The following BAIAP2 variants were observed in gnomAD, a reference collection of about 807,000 sequenced individuals.
BAIAP2 encodes the protein BAR/IMD domain-containing adapter protein 2.
BAIAP2 carries 18 observed loss-of-function variants against 63.0 expected under a neutral mutation model. The ratio of observed to expected loss-of-function variants is 0.29; its 90% CI spans 0.20 to 0.42. BAIAP2 has a LOEUF of 0.42. Ranked by LOEUF, BAIAP2 falls within the 10% of genes least tolerant of loss-of-function variation. The pLI is 1.00. For missense variants in BAIAP2, 610 were observed against 734.3 expected (o/e 0.83, Z 1.96); for synonymous variants, 386 against 307.6 (o/e 1.25, Z -2.67).
At chr17:81,038,894 C>T (rs1468392989) in intron 1 of BAIAP2, among the ~76,000 whole-genome samples, 1 of 27,782 alleles carries the variant, frequency 3.6e-5, no homozygotes, top group Non-Finnish European at 8.4e-5. Context: ...GAGTCGCCTT[C>T]CTGGGTGGGG....
intron 1 of BAIAP2, among the ~76,000 whole-genome samples, chr17:81,048,723 T>C (rs1017898181): frequency 6.6e-6 from 1 of 152,294 alleles, no homozygotes; most frequent in East Asian, 1.9e-4. Context: ...CAGAAATGCA[T>C]AGCTGGGGTC....
Position 81,035,173 on chromosome 17 carries a change from T to G in BAIAP2, c.-82T>G. 3.3e-6 allele frequency: 4 copies of G among 1,212,690 alleles called. No homozygotes were observed. In the South Asian group the frequency reaches 6.5e-5, roughly 20 times the overall value. The allele number at this position is 1,212,690 out of a possible 1,614,324, so 75.1% of individuals were successfully genotyped here. A position where few individuals can be genotyped will look rare whatever the true frequency, so the allele number is the denominator to read the frequency against. ...TCTGTGGTTCGGGTCCGCTTTCGTCTCCGTCCTGCTGCCGTTACCGCCGCT... is the reference window on the plus strand; with the variant it reads ...TCTGTGGTTCGGGTCCGCTTTCGTCGCCGTCCTGCTGCCGTTACCGCCGCT... On this transcript the variant is annotated 5_prime_UTR_variant, in exon 1 of 14. Transcript: ENST00000428708.
At chr17:81,081,176 G>A (rs1188389062) in intron 3 of BAIAP2, among the ~76,000 whole-genome samples, 1 of 152,210 alleles carries the variant, frequency 6.6e-6, no homozygotes. Flanking sequence ...GGAACACCAT[G>A]AAAACCGCAG....
intron 11 of BAIAP2, among the ~76,000 whole-genome samples, 169 bp from the exon 12 acceptor site, chr17:81,106,576 G>A (rs978365238): frequency 1.3e-5 from 2 of 152,212 alleles, no homozygotes; most frequent in Non-Finnish European, 2.9e-5. Flanking sequence ...AGGAAGGGAG[G>A]CCAGACTGGC....
At chr17:81,111,331 G>A (rs540707814) in intron 13 of BAIAP2, among the ~76,000 whole-genome samples, 5 of 152,360 alleles carry the variant, frequency 3.3e-5, no homozygotes, top group African/African-American at 7.2e-5. Flanking sequence ...CGCCTGACTC[G>A]CAGCGCCAGC....
chr17:81,101,784 A>G (rs1298738392), intron 7 of BAIAP2, among the ~76,000 whole-genome samples: 1 of 152,212 alleles, frequency 6.6e-6, no homozygotes, highest in Non-Finnish European at 1.5e-5. Flanking sequence ...GCAGGCAAGG[A>G]CAGCAGCAGC....
intron 6 of BAIAP2, among the ~76,000 whole-genome samples, chr17:81,093,273 G>A (rs2057101441): frequency 6.6e-6 from 1 of 152,202 alleles, no homozygotes; most frequent in Admixed American, 6.5e-5. Context: ...TGCTGGCCCT[G>A]GGACGACCCT....
At chr17:81,093,794 C>T (rs965862236) in intron 6 of BAIAP2, among the ~76,000 whole-genome samples, 1 of 152,164 alleles carries the variant, frequency 6.6e-6, no homozygotes, top group African/African-American at 2.4e-5. Context: ...AGAGACAAAG[C>T]ACCCTCGTTC....
intron 1 of BAIAP2, among the ~76,000 whole-genome samples, chr17:81,050,402 G>A (rs1365800617): frequency 1.3e-5 from 2 of 150,682 alleles, no homozygotes; most frequent in African/African-American, 2.4e-5. Flanking sequence ...CTCAGCTGCT[G>A]CACTAAGGAA....
chr17:81,080,238 C>T (rs961705402), intron 3 of BAIAP2, among the ~76,000 whole-genome samples: 17 of 152,210 alleles, frequency 1.1e-4, no homozygotes, highest in East Asian at 3.8e-4. Context: ...CCGGCTGGGG[C>T]GCCTGCGGCA....
In BAIAP2 at chr17:81,108,320, T is replaced by C; in HGVS notation, c.1501-155T>C. The C allele has an allele frequency of 4.0e-6, 3 of 757,072 alleles. 1 individual carries two copies. In the South Asian group the frequency reaches 5.2e-5, roughly 13 times the overall value. 46.9% of individuals were successfully genotyped at this position (757,072 alleles called of 1,614,324 possible). ...GGGACCAGGGCTCCAGGCAGGTCTC[T>C]GAGTGCTGCAGCCAGGAGATGGGGA... On this transcript the variant is annotated intron_variant, in intron 12 of 13. Coordinates refer to ENST00000428708, the MANE Select transcript of BAIAP2 (RefSeq NM_001144888.2).
intron 10 of BAIAP2, chr17:81,105,207 CATGGCTGTTGTCTTCCCCCAT>C (rs2059029817): frequency 6.0e-6 from 1 of 166,672 alleles, no homozygotes; most frequent in Non-Finnish European, 1.3e-5. Context: ...GTCTCCCCCA[CATGGCTGTTGTCTTCCCCCAT>C]GGCTGGGGTC....
At chr17:81,077,332 CG>C (rs1179317467) in intron 3 of BAIAP2, among the ~76,000 whole-genome samples, 1 of 152,040 alleles carries the variant, frequency 6.6e-6, no homozygotes, top group Non-Finnish European at 1.5e-5. Flanking sequence ...TTTGGGAGGA[CG>C]GGGTGGGTGG....
intron 6 of BAIAP2, among the ~76,000 whole-genome samples, chr17:81,089,211 T>G (rs973156045): frequency 3.3e-5 from 5 of 152,232 alleles, no homozygotes; most frequent in African/African-American, 1.2e-4. Flanking sequence ...CTGGCACTTT[T>G]GAGGTCTGTT....
chr17:81,085,128 G>A (rs796474991), intron 4 of BAIAP2: 14 of 582,330 alleles, frequency 2.4e-5, no homozygotes, highest in African/African-American at 2.0e-4. Flanking sequence ...GCCATGACAC[G>A]CTGGGCTCCA....
At chr17:81,093,105 T>C (rs982942046) in intron 6 of BAIAP2, among the ~76,000 whole-genome samples, 16 of 145,620 alleles carry the variant, frequency 1.1e-4, no homozygotes, top group Admixed American at 1.0e-3. Flanking sequence ...TGGGCTGGGC[T>C]GGGCTGGGCT....
chr17:81,058,314 A>G (rs1405291566), intron 3 of BAIAP2, among the ~76,000 whole-genome samples: 1 of 152,188 alleles, frequency 6.6e-6, no homozygotes, highest in East Asian at 1.9e-4. Flanking sequence ...AAAATGAGTG[A>G]AAAAGGATGC....
intron 2 of BAIAP2, among the ~76,000 whole-genome samples, chr17:81,055,561 T>TGCA: frequency 6.8e-6 from 1 of 147,814 alleles, no homozygotes; most frequent in Admixed American, 6.8e-5. Context: ...AGCGAAAGTC[T>TGCA]GCAGGGTGTT....
At chr17:81,066,555 C>G (rs1036794615) in intron 3 of BAIAP2, among the ~76,000 whole-genome samples, 5 of 152,328 alleles carry the variant, frequency 3.3e-5, no homozygotes, top group African/African-American at 1.2e-4. Flanking sequence ...GTGTCGGCCT[C>G]CCTCTTAGAG....
Sources: allele counts gnomAD v4.1 joint callset (sites outside exome capture counted in the v4.1 genomes callset), GRCh38; gene constraint gnomAD v4.1.1; transcripts MANE v1.5; gene names NCBI Gene and HGNC (gene_info 2026-07-23, HGNC 2026-07-21).